PRKN: variants seen among roughly 807,000 people sequenced by gnomAD.
PRKN encodes the protein E3 ubiquitin-protein ligase parkin.
In PRKN, 56 loss-of-function variants were observed where a neutral mutation model predicts 59.5. The observed-to-expected ratio is 0.94, with a 90% CI of 0.76 to 1.18. The LOEUF is 1.18. PRKN is among the 50% of genes most tolerant of loss of function. The pLI, the probability that PRKN is intolerant of heterozygous loss-of-function variation, is 0.00. For missense variants in PRKN, 657 were observed against 596.4 expected (o/e 1.10, Z -1.06); for synonymous variants, 250 against 222.1 (o/e 1.13, Z -1.12).
rs760661180 is a variant in PRKN at position 161,988,943 on chromosome 6, TA to T, written c.619-15527del. 6.4e-3 allele frequency among the ~76,000 whole-genome samples: 976 copies of T among 152,332 alleles called. 4 individuals carry two copies. Among genetic ancestry groups the T allele is most frequent in the Non-Finnish European group, 0.011 (769 of 68,030 alleles). ...TTAAAAAAATATTTACAATGAGCTT[TA>T]TCTTTTTTTTATACTTTAAGTTTTA... On this transcript the variant is annotated intron_variant, in intron 5 of 11. Coordinates refer to ENST00000366898, the MANE Select transcript of PRKN (RefSeq NM_004562.3).
At chr6:161,927,654 T>C (rs984670122) in intron 6 of PRKN, among the ~76,000 whole-genome samples, 1 of 152,174 alleles carries the variant, frequency 6.6e-6, no homozygotes, top group African/African-American at 2.4e-5. Flanking sequence ...ATGAGAGTAG[T>C]TAGAATTTTT....
chr6:162,657,879 A>G (rs1217036393), intron 1 of PRKN, among the ~76,000 whole-genome samples: 2 of 152,154 alleles, frequency 1.3e-5, no homozygotes, highest in Non-Finnish European at 2.9e-5. Flanking sequence ...GGCTTGTTGG[A>G]GGCTTGTTTC....
intron 1 of PRKN, among the ~76,000 whole-genome samples, chr6:162,525,144 T>TCCTGCTTAGTCCTAGCTCTGC (rs1455323957): frequency 6.6e-6 from 1 of 152,136 alleles, no homozygotes; most frequent in Non-Finnish European, 1.5e-5. Flanking sequence ...CGCCAGTTAG[T>TCCTGCTTAGTCCTAGCTCTGC]CCTGCTTAGT....
At chr6:162,045,673 A>C (rs886330259) in intron 5 of PRKN, among the ~76,000 whole-genome samples, 1 of 152,242 alleles carries the variant, frequency 6.6e-6, no homozygotes, top group Non-Finnish European at 1.5e-5. Flanking sequence ...CCTGAGTAAG[A>C]CAGATGATAG....
At chr6:162,078,001 TAAA>T (rs59795906) in intron 4 of PRKN, among the ~76,000 whole-genome samples, 83,291 of 122,934 alleles carry the variant, frequency 0.68, 27,835 homozygotes, top group East Asian at 0.85. Context: ...ACTCTCTCTC[TAAA>T]AAAAAAAAAA....
intron 7 of PRKN, among the ~76,000 whole-genome samples, chr6:161,720,864 A>C (rs1018462): frequency 6.6e-6 from 1 of 151,924 alleles, no homozygotes; most frequent in Non-Finnish European, 1.5e-5. Context: ...TGTTGTTCTC[A>C]ATCAGTTCTA....
intron 1 of PRKN, among the ~76,000 whole-genome samples, chr6:162,637,000 T>G (rs1017505020): frequency 4.0e-5 from 6 of 151,502 alleles, no homozygotes; most frequent in Admixed American, 3.9e-4. Flanking sequence ...CTCACGCCTG[T>G]AATCCCAGCA....
At chr6:162,633,163 G>A (rs1252758070) in intron 1 of PRKN, among the ~76,000 whole-genome samples, 3 of 151,678 alleles carry the variant, frequency 2.0e-5, no homozygotes, top group South Asian at 2.1e-4. Context: ...GGCCGGGTGC[G>A]GTGGCTCATG....
intron 1 of PRKN, among the ~76,000 whole-genome samples, chr6:162,623,969 C>T (rs189064243): frequency 8.5e-5 from 13 of 152,230 alleles, no homozygotes; most frequent in Admixed American, 8.5e-4. Flanking sequence ...CTGAAATCTG[C>T]CAGGCATGGT....
chr6:161,571,289 G>C (rs540871766), intron 7 of PRKN, among the ~76,000 whole-genome samples: 2 of 152,152 alleles, frequency 1.3e-5, no homozygotes, highest in African/African-American at 2.4e-5. Context: ...ATAAAAACCT[G>C]TTTCTTTGAG....
At chr6:162,148,978 G>A (rs959699042) in intron 4 of PRKN, among the ~76,000 whole-genome samples, 2 of 152,078 alleles carry the variant, frequency 1.3e-5, no homozygotes, top group African/African-American at 4.8e-5. Context: ...GGTACTTACG[G>A]GACAAACAGA....
At chr6:162,671,497 C>CAAAAAAAAAAAAA (rs5881490) in intron 1 of PRKN, among the ~76,000 whole-genome samples, 1 of 111,668 alleles carries the variant, frequency 9.0e-6, no homozygotes, top group Non-Finnish European at 1.9e-5. Context: ...GACTCTGTCT[C>CAAAAAAAAAAAAA]AAAAAAAAAA....
chr6:162,465,835 G>C (rs1013817103), intron 1 of PRKN, among the ~76,000 whole-genome samples: 38 of 152,126 alleles, frequency 2.5e-4, no homozygotes, highest in African/African-American at 9.2e-4. Context: ...TTAAATTCAG[G>C]AGGGTATATT....
intron 9 of PRKN, among the ~76,000 whole-genome samples, chr6:161,392,023 T>G (rs1786524462): frequency 6.6e-6 from 1 of 152,006 alleles, no homozygotes; most frequent in South Asian, 2.1e-4. Context: ...CATATATGTG[T>G]GTATGTGTAT....
At chr6:162,624,583 T>A (rs1782810818) in intron 1 of PRKN, 1 of 152,168 alleles carries the variant, frequency 6.6e-6, no homozygotes, top group Non-Finnish European at 1.5e-5. Context: ...TTAAGCAGAT[T>A]AACTGTAAAG....
chr6:161,699,003 A>G (rs1786137579), intron 7 of PRKN, among the ~76,000 whole-genome samples: 1 of 152,198 alleles, frequency 6.6e-6, no homozygotes, highest in South Asian at 2.1e-4. Context: ...GATAAAGGAC[A>G]TGTAACTAGA....
At position 161,805,997 on chromosome 6, in the gene PRKN, T is replaced by C. The variant is rs566158622; in HGVS notation, c.735-20089A>G. ...CTCCTCATTAGGGTCGACGAGTTCT[T>C]CCCCACAGAGCAGCCTACTCCCTGG... On this transcript the variant is annotated intron_variant, in intron 6 of 11. Transcript: ENST00000366898. Among the ~76,000 whole-genome samples, 159 of 152,278 alleles carry C rather than the reference T, an allele frequency of 1.0e-3. 1 individual carries two copies. The highest frequency in any genetic ancestry group is 3.7e-3 in the South Asian group (18 of 4,824).
intron 2 of PRKN, among the ~76,000 whole-genome samples, chr6:162,436,479 T>C (rs897546225): frequency 1.3e-5 from 2 of 151,454 alleles, no homozygotes; most frequent in African/African-American, 4.8e-5. Context: ...TTACAGGTGA[T>C]TTTTGTATTT....
intron 1 of PRKN, among the ~76,000 whole-genome samples, chr6:162,622,912 G>A (rs957189216): frequency 6.6e-6 from 1 of 152,084 alleles, no homozygotes; most frequent in Non-Finnish European, 1.5e-5. Flanking sequence ...TTTATGAACC[G>A]CCCTCCTGAA....
Sources: gnomAD v4.1 joint callset for allele counts (sites outside exome capture counted in the v4.1 genomes callset) on GRCh38, gnomAD v4.1.1 for gene constraint, MANE v1.5 for transcripts, NCBI Gene and HGNC (gene_info 2026-07-23, HGNC 2026-07-21) for gene names.